DNAI3: variants seen among roughly 807,000 people sequenced by gnomAD.
The protein encoded by DNAI3 is WD repeat domain 63.
Under a neutral mutation model 115.5 loss-of-function variants are expected in DNAI3, and 83 were observed. That is an observed-to-expected ratio of 0.72 (90% CI 0.60 to 0.86). The LOEUF (loss-of-function observed/expected upper bound fraction) is 0.86. Among genes scored for constraint, DNAI3 ranks in the 40% least tolerant of loss-of-function variants. The pLI, the probability that DNAI3 is intolerant of heterozygous loss-of-function variation, is 0.00. For synonymous variants in DNAI3, 320 were observed against 347.0 expected (o/e 0.92, Z 0.86); for missense variants, 1,004 against 1,075.8 (o/e 0.93, Z 0.93).
At position 85,125,127 on chromosome 1, in the gene DNAI3, G is replaced by A. The variant is rs556214715; in HGVS notation, c.2112+876G>A. Among the ~76,000 whole-genome samples, 8 of 152,196 alleles carry A rather than the reference G, an allele frequency of 5.3e-5. No individual in the cohort carries two copies. In the East Asian group the frequency reaches 1.4e-3, roughly 26 times the overall value. On this transcript the variant is annotated intron_variant, in intron 19 of 22. Transcript: ENST00000294664. ...ACTAGAATGATTGATAAAATCCAGTGAAGCAAGGGTGTGGGGGAATCAGTA... is the reference window on the plus strand; with the variant it reads ...ACTAGAATGATTGATAAAATCCAGTAAAGCAAGGGTGTGGGGGAATCAGTA...
intron 13 of DNAI3, among the ~76,000 whole-genome samples, chr1:85,101,496 G>A (rs1398692266): frequency 2.6e-5 from 4 of 151,914 alleles, no homozygotes; most frequent in African/African-American, 9.7e-5. Context: ...AGGCCGAGGC[G>A]GGCAGATCAC....
At chr1:85,077,505 C>A (rs1346797699) in intron 3 of DNAI3, among the ~76,000 whole-genome samples, 1 of 152,032 alleles carries the variant, frequency 6.6e-6, no homozygotes, top group South Asian at 2.1e-4. Flanking sequence ...TTATGGAATA[C>A]TTGCCAGCAA....
chr1:85,107,547 C>A (rs1469409598), intron 14 of DNAI3, among the ~76,000 whole-genome samples: 2 of 152,122 alleles, frequency 1.3e-5, no homozygotes, highest in Non-Finnish European at 2.9e-5. Context: ...AGCTAAGAAG[C>A]AGATCAGTAG....
intron 3 of DNAI3, among the ~76,000 whole-genome samples, chr1:85,073,833 A>G (rs1334713086): frequency 6.6e-6 from 1 of 152,184 alleles, no homozygotes; most frequent in Non-Finnish European, 1.5e-5. Flanking sequence ...TGAAGCAGAG[A>G]GACTAGTTAG....
intron 1 of DNAI3, among the ~76,000 whole-genome samples, chr1:85,070,859 A>G (rs1015411943): frequency 1.6e-4 from 10 of 63,860 alleles, no homozygotes; most frequent in African/African-American, 3.6e-4. Context: ...GTGAGCTATT[A>G]TTTTTATCAT....
intron 6 of DNAI3, 114 bp downstream of exon 6, chr1:85,084,809 T>A: frequency 8.8e-7 from 1 of 1,131,248 alleles, no homozygotes; most frequent in Non-Finnish European, 1.1e-6. Flanking sequence ...GTTTTTGGTG[T>A]GTTGTTTTGG....
intron 22 of DNAI3, among the ~76,000 whole-genome samples, chr1:85,131,538 T>C: frequency 6.7e-6 from 1 of 150,164 alleles, no homozygotes; most frequent in South Asian, 2.1e-4. Flanking sequence ...CATTGATAAA[T>C]ACTAATTAGT....
chr1:85,075,658 CTA>C (rs1231984673), intron 3 of DNAI3, among the ~76,000 whole-genome samples: 2 of 152,150 alleles, frequency 1.3e-5, no homozygotes, highest in Non-Finnish European at 2.9e-5. Context: ...AATAGGCTAA[CTA>C]AAAAACTGTC....
At chr1:85,094,332 AGT>A in intron 9 of DNAI3, 97 bp from the exon 10 acceptor site, 2 of 1,497,818 alleles carry the variant, frequency 1.3e-6, no homozygotes, top group South Asian at 2.5e-5. Flanking sequence ...CTGTGGACAA[AGT>A]GTAAATGAAG....
At position 85,108,107 on chromosome 1, in the gene DNAI3, G is replaced by A. The variant is rs756609531; in HGVS notation, c.1628G>A (p.Ser543Asn). The change falls in exon 15 of 23, where the codon AGT (serine) becomes AAT (asparagine). Residue 543 changes from serine (S) to asparagine (N), a missense_variant. This residue lies in a region of DNAI3 where 429 missense variants were observed against 454.3 expected (regional missense o/e 0.94). Transcript: ENST00000294664. ...PQTTEKKKEE[S>N]IEIPFDVPST... is the part of the protein sequence containing the mutation. ...ACAACAGAGAAAAAGAAGGAGGAAA[G>A]TATTGAAATTCCTTTTGATGTACCA... 4 of 1,610,500 alleles carry A rather than the reference G, an allele frequency of 2.5e-6. No homozygotes were observed. The highest frequency in any genetic ancestry group is 3.4e-6 in the Non-Finnish European group (4 of 1,178,492).
chr1:85,086,149 T>C (rs1654794439), intron 7 of DNAI3, 119 bp downstream of exon 7: 1 of 897,668 alleles, frequency 1.1e-6, no homozygotes. Flanking sequence ...TGATGACACA[T>C]AGATCTCCAC....
In DNAI3 at chr1:85,066,314, C is replaced by CATTT. The variant is rs1553164760; in HGVS notation, c.-15+3828_-15+3829insATTT. On this transcript the variant is annotated intron_variant, in intron 1 of 22. Transcript: ENST00000294664. ...TAGACGAATTATCTCTTCTGCTACT[C>CATTT]TTTTTTTTTTTTTTTTTTTTTTTTT... is the stretch of plus-strand genomic sequence containing the variant. Among the ~76,000 whole-genome samples, 40 of 70,034 alleles carry CATTT rather than the reference C, an allele frequency of 5.7e-4. 2 individuals are homozygous for CATTT. Among genetic ancestry groups the CATTT allele is most frequent in the Admixed American group, 1.5e-3 (8 of 5,304 alleles). 45.9% of individuals were successfully genotyped at this position (70,034 alleles called of 152,430 possible).
chr1:85,104,086 T>G (rs1431534406), intron 13 of DNAI3, among the ~76,000 whole-genome samples: 1 of 151,572 alleles, frequency 6.6e-6, no homozygotes, highest in Non-Finnish European at 1.5e-5. Flanking sequence ...TTTTAAACCT[T>G]CTGTTTCACA....
chr1:85,127,506 G>A (rs1656185383), intron 20 of DNAI3, among the ~76,000 whole-genome samples: 1 of 151,928 alleles, frequency 6.6e-6, no homozygotes, highest in South Asian at 2.1e-4. Context: ...CAAAGTTCTG[G>A]GATTATAGGG....
intron 16 of DNAI3, 151 bp from the exon 17 acceptor site, chr1:85,117,578 G>C (rs182102673): frequency 4.6e-6 from 5 of 1,081,218 alleles, no homozygotes; most frequent in Admixed American, 2.4e-5. Flanking sequence ...TGCTAAATTA[G>C]AAATCTAAAA....
At position 85,081,138 on chromosome 1, in the gene DNAI3, C is replaced by T; in HGVS notation, c.104-96C>T. On this transcript the variant is annotated intron_variant, in intron 3 of 22. Coordinates refer to ENST00000294664, the MANE Select transcript of DNAI3 (RefSeq NM_145172.5). ...TAATTTTAAAGTCTTAAAATTTAAC[C>T]AAGATAATTATTAAAACCAAGCGAT... 5 of 987,836 alleles carry T rather than the reference C, an allele frequency of 5.1e-6. No homozygotes were observed. The South Asian group carries it at 6.9e-5, about 14-fold the overall frequency. 61.2% of individuals were successfully genotyped at this position (987,836 alleles called of 1,614,324 possible).
At chr1:85,124,695 T>C (rs970188781) in intron 19 of DNAI3, among the ~76,000 whole-genome samples, 1 of 152,138 alleles carries the variant, frequency 6.6e-6, no homozygotes, top group East Asian at 1.9e-4. Context: ...CAAGCCCAGC[T>C]TTTTTGTGTG....
intron 1 of DNAI3, 120 bp from the exon 2 acceptor site, chr1:85,071,808 C>T: frequency 2.1e-6 from 2 of 968,392 alleles, no homozygotes; most frequent in African/African-American, 1.7e-5. Context: ...GTTGATTTAG[C>T]CCAGGGTAAA....
At chr1:85,110,608 A>G (rs934934701) in intron 16 of DNAI3, among the ~76,000 whole-genome samples, 1 of 152,148 alleles carries the variant, frequency 6.6e-6, no homozygotes, top group Non-Finnish European at 1.5e-5. Context: ...AATGGCAATA[A>G]TAGCTATTGC....
Sources: gnomAD v4.1 joint callset for allele counts (sites outside exome capture counted in the v4.1 genomes callset) on GRCh38, gnomAD v4.1.1 for gene constraint, gnomAD v4.1.1 regional missense constraint, MANE v1.5 for transcripts, NCBI Gene and HGNC (gene_info 2026-07-23, HGNC 2026-07-21) for gene names.